NCAM2: variants seen among roughly 807,000 people sequenced by gnomAD.
NCAM2 encodes N-CAM-2.
A neutral mutation model predicts 98.1 loss-of-function variants in NCAM2; 30 were observed. That is an observed-to-expected ratio of 0.31 (90% CI 0.23 to 0.41). NCAM2 has a LOEUF of 0.41. Ranked by LOEUF, NCAM2 falls within the 10% of genes least tolerant of loss-of-function variation. NCAM2 has a pLI of 1.00. For synonymous variants in NCAM2, 368 were observed against 342.4 expected, an observed-to-expected ratio of 1.07 and a Z score of -0.83; for missense variants, 867 against 1,005.8, an observed-to-expected ratio of 0.86 and a Z score of 1.87.
chr21:21,198,801 T>G (rs2147007177), intron 1 of NCAM2, among the ~76,000 whole-genome samples: 1 of 152,236 alleles, frequency 6.6e-6, no homozygotes, highest in South Asian at 2.1e-4. Context: ...AAAAAGTACT[T>G]GCTATGAGAT....
chr21:21,448,531 T>C lies in NCAM2; in HGVS notation c.1654+16250T>C, dbSNP rs1008522220. Among the ~76,000 whole-genome samples, 4 of 151,796 alleles carry C rather than the reference T, an allele frequency of 2.6e-5. No individual in the cohort carries two copies. In the East Asian group the frequency reaches 7.7e-4, roughly 29 times the overall value. ...TAAAATAAATAAATAAATAAATAAA[T>C]AAATAAGTAAAATAATCAGTATTTG... On this transcript the variant is annotated intron_variant, in intron 12 of 17. Coordinates refer to ENST00000400546, the MANE Select transcript of NCAM2 (RefSeq NM_004540.5).
intron 15 of NCAM2, among the ~76,000 whole-genome samples, chr21:21,495,502 A>G (rs767464914): frequency 7.9e-5 from 12 of 151,956 alleles, no homozygotes; most frequent in South Asian, 4.1e-4. Context: ...CTTCCCTCCA[A>G]TGACTCCCTA....
chr21:21,311,335 A>T lies in NCAM2; in HGVS notation c.620-13048A>T, dbSNP rs796453125. ...CAAAAGATGGTTACAAATATGGGGC[A>T]TTTTTTTTTTTTTTTTTTTTTTTGA... On this transcript the variant is annotated intron_variant, in intron 5 of 17. Transcript: ENST00000400546. Among the ~76,000 whole-genome samples the T allele has an allele frequency of 2.3e-3, 246 of 108,598 alleles. 3 individuals are homozygous for T. Among genetic ancestry groups the T allele is most frequent in the Middle Eastern group, 0.01 (2 of 196 alleles). 71.2% of individuals were successfully genotyped at this position (108,598 alleles called of 152,430 possible).
At chr21:21,531,669 G>T (rs1989702586) in intron 16 of NCAM2, among the ~76,000 whole-genome samples, 1 of 151,956 alleles carries the variant, frequency 6.6e-6, no homozygotes, top group African/African-American at 2.4e-5. Context: ...ATTACATTTT[G>T]TGACTATTTT....
intron 1 of NCAM2, among the ~76,000 whole-genome samples, chr21:21,033,962 A>G (rs11088848): frequency 0.59 from 89,654 of 151,264 alleles, 26,879 homozygotes; most frequent in East Asian, 0.77. Flanking sequence ...CCCATTCGAA[A>G]CTTTATTTTC....
At chr21:21,360,625 C>T (rs232491) in intron 8 of NCAM2, among the ~76,000 whole-genome samples, 54,330 of 151,676 alleles carry the variant, frequency 0.36, 9,929 homozygotes, top group East Asian at 0.58. Flanking sequence ...CTTTCAATCA[C>T]CAACTTATAT....
At chr21:21,306,793 T>A (rs2073892459) in intron 5 of NCAM2, among the ~76,000 whole-genome samples, 1 of 152,084 alleles carries the variant, frequency 6.6e-6, no homozygotes. Flanking sequence ...GTCTTATTGA[T>A]TCTTTCTATT....
intron 15 of NCAM2, among the ~76,000 whole-genome samples, chr21:21,504,745 A>T (rs1175937823): frequency 6.6e-6 from 1 of 151,552 alleles, no homozygotes; most frequent in Non-Finnish European, 1.5e-5. Context: ...ATACATACAT[A>T]GAACATAACT....
chr21:21,387,103 G>T (rs1374767987), intron 9 of NCAM2, among the ~76,000 whole-genome samples: 1 of 151,676 alleles, frequency 6.6e-6, no homozygotes, highest in East Asian at 1.9e-4. Context: ...TGGAGATTAG[G>T]ATGCTAGCAC....
At chr21:21,347,624 G>T (rs2075224934) in intron 8 of NCAM2, among the ~76,000 whole-genome samples, 2 of 151,936 alleles carry the variant, frequency 1.3e-5, no homozygotes, top group Admixed American at 6.6e-5. Flanking sequence ...AAAAATAGAG[G>T]AGAAAAGAAT....
intron 1 of NCAM2, among the ~76,000 whole-genome samples, chr21:21,191,258 T>C (rs1802141109): frequency 1.3e-5 from 2 of 152,098 alleles, no homozygotes; most frequent in South Asian, 2.1e-4. Flanking sequence ...ACCTGAGAAT[T>C]TTCAAAGTGA....
At chr21:21,337,031 T>G in intron 7 of NCAM2, among the ~76,000 whole-genome samples, 1 of 152,044 alleles carries the variant, frequency 6.6e-6, no homozygotes, top group East Asian at 1.9e-4. Context: ...TTATAGAAAG[T>G]CCCTAACTTG....
chr21:21,479,246 A>G (rs1213860062), intron 15 of NCAM2, among the ~76,000 whole-genome samples: 3 of 152,242 alleles, frequency 2.0e-5, no homozygotes, highest in Admixed American at 2.0e-4. Flanking sequence ...TAGATTTTAC[A>G]CAGATTACTA....
intron 1 of NCAM2, among the ~76,000 whole-genome samples, chr21:21,126,236 T>TACAAAAAAA (rs2066819672): frequency 2.0e-5 from 2 of 97,564 alleles, no homozygotes; most frequent in Admixed American, 1.4e-4. Context: ...TCATGGAACA[T>TACAAAAAAA]AAAAAAAAAA....
intron 9 of NCAM2, among the ~76,000 whole-genome samples, chr21:21,397,567 C>T (rs193279893): frequency 2.1e-4 from 32 of 152,334 alleles, no homozygotes; most frequent in East Asian, 1.9e-4. Context: ...CAACTTTGCT[C>T]CAAAATCGGA....
At chr21:21,221,625 T>C (rs2070169104) in intron 1 of NCAM2, among the ~76,000 whole-genome samples, 1 of 152,192 alleles carries the variant, frequency 6.6e-6, no homozygotes, top group South Asian at 2.1e-4. Flanking sequence ...CCTAGTATTA[T>C]TCAATTTTGC....
intron 1 of NCAM2, among the ~76,000 whole-genome samples, chr21:21,149,435 C>G (rs567392244): frequency 6.6e-6 from 1 of 152,192 alleles, no homozygotes; most frequent in African/African-American, 2.4e-5. Context: ...TTCTGGGATA[C>G]ATGTGCAGAA....
chr21:21,284,271 C>A lies in NCAM2; in HGVS notation c.208C>A (p.Gln70Lys), dbSNP rs777236131. ...AATTTCAACACAGAGGGTAGTAGTG[C>A]AAAAGGAAGGTGTTAGGTCACGGTT... ...KIISTQRVVV[Q>K]KEGVRSRLTI... Residue 70 changes from glutamine (Q) to lysine (K), a missense_variant, in exon 3 of 18, where the codon CAA becomes AAA. Gln to Lys is a moderately conservative substitution (Grantham distance 53). Coordinates refer to ENST00000400546, the MANE Select transcript of NCAM2 (RefSeq NM_004540.5). 3.1e-6 allele frequency: 5 copies of A among 1,611,720 alleles called. No homozygotes were observed. The highest frequency in any genetic ancestry group is 4.2e-6 in the Non-Finnish European group (5 of 1,178,314).
intron 1 of NCAM2, among the ~76,000 whole-genome samples, chr21:21,084,539 T>C (rs985426): frequency 0.32 from 48,566 of 152,076 alleles, 9,404 homozygotes; most frequent in African/African-American, 0.54. Flanking sequence ...GTTATATAAG[T>C]AGAGTCAAAC....
Sources: allele counts gnomAD v4.1 joint callset (sites outside exome capture counted in the v4.1 genomes callset), GRCh38; gene constraint gnomAD v4.1.1; transcripts MANE v1.5; gene names NCBI Gene and HGNC (gene_info 2026-07-23, HGNC 2026-07-21).